Variants in AP2A2 observed in about 807,000 individuals in gnomAD.
AP2A2 encodes the protein adaptor related protein complex 2 subunit alpha 2.
In AP2A2, 32 loss-of-function variants were observed where a neutral mutation model predicts 104.2. The ratio of observed to expected loss-of-function variants is 0.31; its 90% CI spans 0.23 to 0.41. The LOEUF is 0.41. AP2A2 is among the 10% of genes least tolerant of loss of function. The pLI is 1.00. For synonymous variants in AP2A2, 539 were observed against 533.3 expected (o/e 1.01, Z -0.15); for missense variants, 912 against 1,261.0 (o/e 0.72, Z 4.19).
intron 2 of AP2A2, among the ~76,000 whole-genome samples, chr11:967,332 C>T (rs1854651442): frequency 6.6e-6 from 1 of 152,234 alleles, no homozygotes; most frequent in Admixed American, 6.5e-5. Context: ...GATGCTCCGT[C>T]CGTGCTGTGC....
chr11:990,983 C>T (rs2133732137), intron 10 of AP2A2, among the ~76,000 whole-genome samples: 1 of 147,982 alleles, frequency 6.8e-6, no homozygotes, highest in South Asian at 2.2e-4. Context: ...GTATGGTGCT[C>T]CCCTCCGTCC....
In AP2A2 at chr11:984,761, G is replaced by A. The variant is rs771665236; in HGVS notation, c.814+8G>A. 2.1e-5 allele frequency: 34 copies of A among 1,584,438 alleles called. No homozygotes were observed. Among genetic ancestry groups the A allele is most frequent in the African/African-American group, 6.7e-5 (5 of 74,272 alleles). On this transcript the variant is annotated splice_region_variant and intron_variant, in intron 7 of 21. Coordinates refer to ENST00000448903, the MANE Select transcript of AP2A2 (RefSeq NM_012305.4). ...AGTGCTACCCACCCCCAGGTAACGC[G>A]CAGGCCGCGGCTCCTGAAGCTGCAC...
chr11:962,507 C>T (rs1006215432), intron 2 of AP2A2, among the ~76,000 whole-genome samples: 6 of 151,960 alleles, frequency 3.9e-5, no homozygotes, highest in Non-Finnish European at 5.9e-5. Flanking sequence ...CTGAGGCGGG[C>T]GGATCGATTG....
intron 1 of AP2A2, among the ~76,000 whole-genome samples, chr11:947,288 G>C (rs1270493747): frequency 2.0e-5 from 3 of 152,120 alleles, no homozygotes; most frequent in Admixed American, 2.0e-4. Context: ...TGAGATTGCA[G>C]GCGTGAGCCA....
At chr11:960,569 G>C (rs1316171539) in intron 2 of AP2A2, among the ~76,000 whole-genome samples, 2 of 152,112 alleles carry the variant, frequency 1.3e-5, no homozygotes, top group Non-Finnish European at 2.9e-5. Flanking sequence ...GTAGAGACGG[G>C]GTTTCTCCAT....
intron 5 of AP2A2, among the ~76,000 whole-genome samples, chr11:980,580 A>C (rs1429846603): frequency 1.3e-5 from 2 of 151,674 alleles, no homozygotes; most frequent in African/African-American, 2.4e-5. Flanking sequence ...TGCTTTGGGG[A>C]GGACTGCTTG....
chr11:927,429 G>A (rs1853154770), intron 1 of AP2A2, among the ~76,000 whole-genome samples: 1 of 151,808 alleles, frequency 6.6e-6, no homozygotes. Flanking sequence ...CTCCTTAGAC[G>A]GGATGGAGGA....
Position 985,415 on chromosome 11 carries a change from C to A in AP2A2, c.815-20C>A. On this transcript the variant is annotated intron_variant, in intron 7 of 21. Transcript: ENST00000448903. Reference sequence around the variant, plus strand: ...CGGGCCACTGGAGACTGGTGAGCACCGTTCTGTCTTGCCCAGAAGACCCTG... The same window carrying A: ...CGGGCCACTGGAGACTGGTGAGCACAGTTCTGTCTTGCCCAGAAGACCCTG... 6.2e-7 allele frequency: 1 copy of A among 1,609,492 alleles called. No individual in the cohort carries two copies.
At chr11:963,889 G>C (rs1854526487) in intron 2 of AP2A2, among the ~76,000 whole-genome samples, 1 of 152,254 alleles carries the variant, frequency 6.6e-6, no homozygotes, top group African/African-American at 2.4e-5. Context: ...ACCTCCCAAA[G>C]TGCTGGGATT....
At chr11:949,201 G>T (rs1462948336) in intron 1 of AP2A2, among the ~76,000 whole-genome samples, 1 of 151,564 alleles carries the variant, frequency 6.6e-6, no homozygotes, top group African/African-American at 2.4e-5. Context: ...GCTTGAAACC[G>T]AGAGGCGGAG....
Position 993,714 on chromosome 11 carries a change from G to A in AP2A2, c.1551-40G>A. The A allele has an allele frequency of 6.7e-7, 1 of 1,495,880 alleles. No individual in the cohort carries two copies. Among genetic ancestry groups the A allele is most frequent in the Non-Finnish European group, 9.0e-7 (1 of 1,105,980 alleles). 92.7% of individuals were successfully genotyped at this position (1,495,880 alleles called of 1,614,324 possible). A position where few individuals can be genotyped will look rare whatever the true frequency, so the allele number is the denominator to read the frequency against. Reference sequence around the variant, plus strand: ...GCGGGGGCGTGCTGCAGCCTGCGAGGGGACGACGGTGTCCCTGTGTTGTGC... The same window carrying A: ...GCGGGGGCGTGCTGCAGCCTGCGAGAGGACGACGGTGTCCCTGTGTTGTGC... On this transcript the variant is annotated intron_variant, in intron 12 of 21. Transcript: ENST00000448903. The surrounding 1 kb of genome is among the most constrained non-coding windows in gnomAD (Gnocchi z 8.2).
chr11:983,444 A>G (rs564676990), intron 6 of AP2A2, among the ~76,000 whole-genome samples: 19 of 151,664 alleles, frequency 1.3e-4, no homozygotes, highest in Non-Finnish European at 2.4e-4. Flanking sequence ...GTGCAGTGGC[A>G]CGATCTTGGC....
Position 1,011,049 on chromosome 11 carries a change from C to G in AP2A2, c.*424C>G. 3.1e-6 allele frequency: 2 copies of G among 643,206 alleles called. No individual in the cohort carries two copies. Among genetic ancestry groups the G allele is most frequent in the Non-Finnish European group, 5.9e-6 (2 of 341,816 alleles). The allele number at this position is 643,206 out of a possible 1,614,324, so 39.8% of individuals were successfully genotyped here. On this transcript the variant is annotated 3_prime_UTR_variant, in exon 22 of 22. Transcript: ENST00000448903. ...CGTGGGCTGAGCCTTGGTGTGTGGCCGTCCTGGTGGCTGCACACCTGGCGT... is the reference window on the plus strand; with the variant it reads ...CGTGGGCTGAGCCTTGGTGTGTGGCGGTCCTGGTGGCTGCACACCTGGCGT...
At chr11:964,146 G>T (rs1854535221) in intron 2 of AP2A2, among the ~76,000 whole-genome samples, 1 of 152,244 alleles carries the variant, frequency 6.6e-6, no homozygotes, top group African/African-American at 2.4e-5. Flanking sequence ...TGAACTGTCA[G>T]TGAGCCAGTC....
chr11:937,998 A>C (rs115329438), intron 1 of AP2A2, among the ~76,000 whole-genome samples: 1 of 152,202 alleles, frequency 6.6e-6, no homozygotes, highest in Non-Finnish European at 1.5e-5. Context: ...AGCACCAGGC[A>C]GCCAGGTTAT....
chr11:993,805 C>A lies in AP2A2; in HGVS notation c.1602C>A (p.Val534=). The change falls in exon 13 of 22, where the codon GTC becomes GTA. Residue 534 remains valine (V), a synonymous_variant. Transcript: ENST00000448903. This position sits in a 1 kb window ranked among gnomAD's most constrained non-coding sequence, Gnocchi z 8.2. ...LLHSKFHLCS[V]PTRALLLSTY... ...ACTCCAAGTTCCACCTGTGCAGCGTCCCCACCCGCGCGCTGCTCCTGTCCA... is the reference window on the plus strand; with the variant it reads ...ACTCCAAGTTCCACCTGTGCAGCGTACCCACCCGCGCGCTGCTCCTGTCCA... 1 of 1,607,360 alleles carries A rather than the reference C, an allele frequency of 6.2e-7. No individual in the cohort carries two copies. Among genetic ancestry groups the A allele is most frequent in the Non-Finnish European group, 8.5e-7 (1 of 1,179,260 alleles).
intron 14 of AP2A2, among the ~76,000 whole-genome samples, chr11:995,573 G>T (rs1855824357): frequency 6.6e-6 from 1 of 151,696 alleles, no homozygotes; most frequent in African/African-American, 2.4e-5. Context: ...GCAGTGTGCT[G>T]GTTGGGAGGG....
chr11:954,014 T>C lies in AP2A2; in HGVS notation c.68-5423T>C, dbSNP rs530679909. 2.0e-5 allele frequency among the ~76,000 whole-genome samples: 3 copies of C among 152,200 alleles called. No homozygotes were observed. In the East Asian group the frequency reaches 5.8e-4, roughly 29 times the overall value. On this transcript the variant is annotated intron_variant, in intron 1 of 21. Transcript: ENST00000448903. ...CATGCCTGGCTAATTTTTGTATTTT[T>C]AGTAGAGACGAGGTTTCACCATGCT...
intron 1 of AP2A2, among the ~76,000 whole-genome samples, chr11:936,059 G>C (rs1256383716): frequency 5.4e-5 from 8 of 148,930 alleles, no homozygotes; most frequent in African/African-American, 2.0e-4. Context: ...CCACCACCAC[G>C]CCTGCCTAAT....
Sources: gnomAD v4.1 joint callset for allele counts (sites outside exome capture counted in the v4.1 genomes callset) on GRCh38, gnomAD v4.1.1 for gene constraint, Gnocchi (gnomAD v3.1) non-coding constraint, MANE v1.5 for transcripts, NCBI Gene and HGNC (gene_info 2026-07-23, HGNC 2026-07-21) for gene names.